The following CACNA1E variants were observed in gnomAD, a reference collection of about 807,000 sequenced individuals.
CACNA1E encodes calcium voltage-gated channel subunit alpha1 E, also known as voltage-dependent R-type calcium channel subunit alpha-1E.
A neutral mutation model predicts 259.2 loss-of-function variants in CACNA1E; 40 were observed. That is an observed-to-expected ratio of 0.15 (90% confidence interval 0.12 to 0.20). CACNA1E has a LOEUF of 0.20. CACNA1E is among the 10% of genes least tolerant of loss of function. The probability of loss-of-function intolerance (pLI) is 1.00; values close to 1 mark genes in which losing one functional copy is unlikely to be tolerated. For missense variants in CACNA1E, 1,874 were observed against 3,040.1 expected (o/e 0.62, Z 9.02); for synonymous variants, 1,104 against 1,138.5 (o/e 0.97, Z 0.61).
Position 181,687,395 on chromosome 1 carries a change from G to T in CACNA1E, c.1056-23559G>T, listed in dbSNP as rs1030999208. Among the ~76,000 whole-genome samples, 4 of 152,098 alleles carry T rather than the reference G, an allele frequency of 2.6e-5. No individual in the cohort carries two copies. In the South Asian group the frequency reaches 8.3e-4, roughly 32 times the overall value. The stretch of plus-strand genomic sequence containing the variant: ...TATTTACTGATTTAGACAGCTTGGG[G>T]GGCTGTCACCACACTTCTTCTGTCT... On this transcript the variant is annotated intron_variant, in intron 7 of 47. Coordinates refer to ENST00000367573, the MANE Select transcript of CACNA1E (RefSeq NM_001205293.3).
chr1:181,425,346 A>G (rs1659088743), intron 2 of CACNA1E, among the ~76,000 whole-genome samples: 1 of 152,154 alleles, frequency 6.6e-6, no homozygotes, highest in African/African-American at 2.4e-5. Flanking sequence ...GCCATCTTTA[A>G]GGGCTTGCCT....
chr1:181,388,726 CA>C (rs1205952692), intron 1 of CACNA1E, among the ~76,000 whole-genome samples: 1 of 151,262 alleles, frequency 6.6e-6, no homozygotes, highest in Non-Finnish European at 1.5e-5. Context: ...CCGTCTTTAC[CA>C]AAAAAAATAT....
At chr1:181,462,753 C>T (rs1008005739) in intron 2 of CACNA1E, among the ~76,000 whole-genome samples, 20 of 152,072 alleles carry the variant, frequency 1.3e-4, no homozygotes, top group African/African-American at 4.6e-4. Flanking sequence ...GTTTTATTTA[C>T]GTGATACATA....
Position 181,492,093 on chromosome 1 carries a change from C to G in CACNA1E, c.266+8083C>G, listed in dbSNP as rs563473702. On this transcript the variant is annotated intron_variant, in intron 1 of 47. Coordinates refer to ENST00000367573, the MANE Select transcript of CACNA1E (RefSeq NM_001205293.3). ...ATTTTCCTCAGGATTCTTTCAGTTT[C>G]TGTATTACTTGATGCAGGCTTTCTC... 1.2e-4 allele frequency among the ~76,000 whole-genome samples: 19 copies of G among 152,282 alleles called. 1 individual carries two copies. The highest frequency in any genetic ancestry group is 5.2e-4 in the Admixed American group (8 of 15,312).
In CACNA1E at chr1:181,366,199, G is replaced by A. The variant is rs149153619; in HGVS notation, c.-14-46934G>A. The stretch of plus-strand genomic sequence containing the variant: ...TCTGACACCTTCCATTTTAGGGTTG[G>A]AGGAGAGTACTGAAGCACCTCTCAC... On this transcript the variant is annotated intron_variant, in intron 1 of 11. Coordinates refer to the CACNA1E transcript ENST00000524607. Among the ~76,000 whole-genome samples the A allele has an allele frequency of 4.3e-3, 662 of 152,264 alleles. 2 individuals carry two copies. The highest frequency in any genetic ancestry group is 7.0e-3 in the Non-Finnish European group (478 of 68,004).
intron 1 of CACNA1E, among the ~76,000 whole-genome samples, chr1:181,411,165 C>CGA (rs1407542567): frequency 6.6e-6 from 1 of 152,190 alleles, no homozygotes; most frequent in Non-Finnish European, 1.5e-5. Context: ...GTGGTAAGTT[C>CGA]AGGCCCTCTC....
intron 17 of CACNA1E, among the ~76,000 whole-genome samples, chr1:181,725,373 T>G (rs1025189011): frequency 1.3e-5 from 2 of 152,252 alleles, no homozygotes; most frequent in African/African-American, 2.4e-5. Flanking sequence ...AGCATTGGTT[T>G]CTTCATGCAT....
intron 2 of CACNA1E, among the ~76,000 whole-genome samples, chr1:181,451,964 T>G (rs1241044017): frequency 6.6e-6 from 1 of 152,116 alleles, no homozygotes; most frequent in East Asian, 1.9e-4. Flanking sequence ...ATGAACTAAT[T>G]GGGGTAGGCG....
rs1662308890 is a variant in CACNA1E, at chr1:181,801,977, TTTCAC to T, written c.*3146_*3150del. The stretch of plus-strand genomic sequence containing the variant: ...TAGGTTTGCATTTAGTTACCCCTCA[TTTCAC>T]TTAAGGCTCCAGACAGACTCCAGGT... On this transcript the variant is annotated 3_prime_UTR_variant, in exon 48 of 48. Coordinates refer to ENST00000367573, the MANE Select transcript of CACNA1E (RefSeq NM_001205293.3). 1 of 151,626 alleles carries T rather than the reference TTTCAC, an allele frequency of 6.6e-6. No individual in the cohort carries two copies. Among genetic ancestry groups the T allele is most frequent in the Non-Finnish European group, 1.5e-5 (1 of 67,800 alleles). 9.4% of individuals were successfully genotyped at this position (151,626 alleles called of 1,614,324 possible).
rs1425131629 is a variant in CACNA1E, at chr1:181,653,556, C to T, written c.1055+2115C>T. ...TTAGCAGCACGAAAATGGACTAATA[C>T]AGCTGTGCTCCCTCCAAGGGCTCTA... On this transcript the variant is annotated intron_variant, in intron 7 of 47. Coordinates refer to ENST00000367573, the MANE Select transcript of CACNA1E (RefSeq NM_001205293.3). Among the ~76,000 whole-genome samples, 4 of 152,312 alleles carry T rather than the reference C, an allele frequency of 2.6e-5. No homozygotes were observed. In the East Asian group the frequency reaches 5.8e-4, roughly 22 times the overall value.
intron 8 of CACNA1E, among the ~76,000 whole-genome samples, chr1:181,711,413 G>A (rs2102427477): frequency 6.6e-6 from 1 of 152,266 alleles, no homozygotes; most frequent in African/African-American, 2.4e-5. Context: ...AATATTTATT[G>A]AGTGCCTACT....
intron 7 of CACNA1E, among the ~76,000 whole-genome samples, chr1:181,682,848 C>G (rs1650118012): frequency 6.6e-6 from 1 of 152,194 alleles, no homozygotes; most frequent in South Asian, 2.1e-4. Flanking sequence ...GCTGCTAAAT[C>G]ATTCATGAGA....
chr1:181,766,600 A>G lies in CACNA1E; in HGVS notation c.4870A>G (p.Ile1624Val), dbSNP rs944914239. The G allele has an allele frequency of 7.4e-6, 12 of 1,612,428 alleles. No individual in the cohort carries two copies. The highest frequency in any genetic ancestry group is 1.3e-5 in the African/African-American group (1 of 74,872). ...IAMLFFIYAI[I>V]GMQVFGNIKL... ...CATGCTTTTCTTCATTTATGCCATC[A>G]TTGGGATGCAGGTGAGCTGGTAAAT... is the stretch of plus-strand genomic sequence containing the variant. Residue 1624 changes from isoleucine (I) to valine (V), a missense_variant, in exon 35 of 48, where the codon ATT (isoleucine) becomes GTT (valine). Ile to Val is a conservative substitution (Grantham distance 29). Around this residue, in one of 14 missense-constraint regions of CACNA1E, gnomAD observed 147 missense variants for 337.1 expected, o/e 0.44. Coordinates refer to ENST00000367573, the MANE Select transcript of CACNA1E (RefSeq NM_001205293.3).
intron 2 of CACNA1E, among the ~76,000 whole-genome samples, chr1:181,436,889 G>T (rs918571326): frequency 2.6e-5 from 4 of 152,088 alleles, no homozygotes; most frequent in Non-Finnish European, 4.4e-5. Context: ...GGTATATGAG[G>T]TGATGGATAT....
intron 25 of CACNA1E, among the ~76,000 whole-genome samples, chr1:181,748,301 G>A (rs1051787650): frequency 1.3e-4 from 20 of 152,152 alleles, no homozygotes; most frequent in African/African-American, 4.8e-4. Flanking sequence ...ACAATGGTGA[G>A]TTTGCATTAT....
intron 1 of CACNA1E, among the ~76,000 whole-genome samples, chr1:181,496,084 A>G (rs985531376): frequency 2.0e-5 from 3 of 152,226 alleles, no homozygotes; most frequent in Non-Finnish European, 4.4e-5. Context: ...GTCTTTCCAT[A>G]AGACTTTTTT....
chr1:181,734,564 C>A (rs1655849766), intron 21 of CACNA1E, among the ~76,000 whole-genome samples: 1 of 139,238 alleles, frequency 7.2e-6, no homozygotes, highest in Non-Finnish European at 1.5e-5. Flanking sequence ...TGACCCCACA[C>A]CTCATCCCTG....
At position 181,708,582 on chromosome 1, in the gene CACNA1E, G is replaced by C. The variant is rs113862318; in HGVS notation, c.1056-2372G>C. 3.5e-3 allele frequency among the ~76,000 whole-genome samples: 533 copies of C among 152,260 alleles called. 4 individuals are homozygous for C. The highest frequency in any genetic ancestry group is 0.012 in the African/African-American group (515 of 41,536). On this transcript the variant is annotated intron_variant, in intron 7 of 47. Coordinates refer to ENST00000367573, the MANE Select transcript of CACNA1E (RefSeq NM_001205293.3). ...CCTCCCTGGATTCCCCCAGGGTTGA[G>C]AAATCAAGACACAGACCTATGAAAA... is the stretch of plus-strand genomic sequence containing the variant.
At chr1:181,785,216 G>A in intron 41 of CACNA1E, 102 bp from the exon 42 acceptor site, 2 of 729,926 alleles carry the variant, frequency 2.7e-6, no homozygotes, top group South Asian at 3.2e-5. Context: ...GTGACTGATA[G>A]CACAGACCTG....
Sources: gnomAD v4.1 joint callset for allele counts (sites outside exome capture counted in the v4.1 genomes callset) on GRCh38, gnomAD v4.1.1 for gene constraint, gnomAD v4.1.1 regional missense constraint, MANE v1.5 for transcripts, NCBI Gene and HGNC (gene_info 2026-07-23, HGNC 2026-07-21) for gene names.